The following CSNK2B variants were observed in gnomAD, a reference collection of about 807,000 sequenced individuals.
CSNK2B encodes casein kinase 2 beta.
CSNK2B carries 2 observed loss-of-function variants against 28.8 expected under a neutral mutation model. The observed-to-expected ratio is 0.07, with a 90% CI of 0.03 to 0.22. The LOEUF (loss-of-function observed/expected upper bound fraction) is 0.22. CSNK2B is among the 10% of genes least tolerant of loss of function. CSNK2B has a pLI of 1.00. For missense variants in CSNK2B, 107 were observed against 277.9 expected (o/e 0.39, Z 4.37); for synonymous variants, 89 against 96.1 (o/e 0.93, Z 0.43).
rs889024432 is a variant in CSNK2B, at chr6:31,666,139, A to G, written c.-81A>G. On this transcript the variant is annotated 5_prime_UTR_variant, in exon 1 of 7. Transcript: ENST00000375882. ...CGGTCGGGTCCGCGGCCTGCGCTGT[A>G]GCGGTCGCCGCCGTTCCCTGGAAGT... 9.1e-6 allele frequency: 9 copies of G among 992,528 alleles called. No individual in the cohort carries two copies. Among genetic ancestry groups the G allele is most frequent in the Non-Finnish European group, 1.1e-5 (9 of 833,494 alleles). 61.5% of individuals were successfully genotyped at this position (992,528 alleles called of 1,614,324 possible).
At position 31,667,914 on chromosome 6, in the gene CSNK2B, A is replaced by G. The variant is rs1307471660; in HGVS notation, c.119A>G (p.Asn40Ser). ...GACAAATTTAATCTTACTGGACTCAATGAGCAGGTCCCTCACTATCGACAA... is the reference window on the plus strand; with the variant it reads ...GACAAATTTAATCTTACTGGACTCAGTGAGCAGGTCCCTCACTATCGACAA... ...IQDKFNLTGLNEQVPHYRQAL... is the reference protein window; with the variant it reads ...IQDKFNLTGLSEQVPHYRQAL... The change falls in exon 3 of 7, where the codon AAT becomes AGT. Residue 40 changes from asparagine (N) to serine (S), a missense_variant. By Grantham distance (46) the Asn-to-Ser change is conservative. Coordinates refer to ENST00000375882, the MANE Select transcript of CSNK2B (RefSeq NM_001320.7). 12 of 1,554,742 alleles carry G rather than the reference A, an allele frequency of 7.7e-6. No individual in the cohort carries two copies. The highest frequency in any genetic ancestry group is 1.2e-5 in the South Asian group (1 of 81,506).
Position 31,669,596 on chromosome 6 carries a change from G to A in CSNK2B, c.557+88G>A. The A allele has an allele frequency of 2.8e-6, 4 of 1,424,604 alleles. No individual in the cohort carries two copies. The highest frequency in any genetic ancestry group is 3.8e-6 in the Non-Finnish European group (4 of 1,052,128). 88.2% of individuals were successfully genotyped at this position (1,424,604 alleles called of 1,614,324 possible). A position where few individuals can be genotyped will look rare whatever the true frequency, so the allele number is the denominator to read the frequency against. ...GGACAGGGCATGGCCCTTTCTTGAG[G>A]TCTGCTTCTCCCAGAATCAGGGCAT... is the stretch of plus-strand genomic sequence containing the variant. On this transcript the variant is annotated intron_variant, in intron 6 of 6. Coordinates refer to ENST00000375882, the MANE Select transcript of CSNK2B (RefSeq NM_001320.7). This position sits in a 1 kb window ranked among gnomAD's most constrained non-coding sequence, Gnocchi z 4.8.
chr6:31,668,521 G>A lies in CSNK2B; in HGVS notation c.176-18G>A, dbSNP rs759577067. 2 of 1,608,488 alleles carry A rather than the reference G, an allele frequency of 1.2e-6. No individual in the cohort carries two copies. Among genetic ancestry groups the A allele is most frequent in the Non-Finnish European group, 8.5e-7 (1 of 1,175,874 alleles). On this transcript the variant is annotated intron_variant, in intron 3 of 6. Coordinates refer to ENST00000375882, the MANE Select transcript of CSNK2B (RefSeq NM_001320.7). ...AGCTGAAAAACAAGTAGTTGCATTT[G>A]GCCGGGCTGTGTTTCAGATGAAGAA... is the stretch of plus-strand genomic sequence containing the variant.
chr6:31,669,375 G>C lies in CSNK2B; in HGVS notation c.424G>C (p.Asp142His), dbSNP rs1229112234. 2 of 1,614,060 alleles carry C rather than the reference G, an allele frequency of 1.2e-6. No homozygotes were observed. The highest frequency in any genetic ancestry group is 1.1e-5 in the South Asian group (1 of 91,086). ...GAAGCTCTACTGCCCCAAGTGCATG[G>C]ATGTGTACACACCCAAGTCATCAAG... Reference protein sequence around the residue: ...MVKLYCPKCMDVYTPKSSRHH... With the variant: ...MVKLYCPKCMHVYTPKSSRHH... Residue 142 changes from aspartate (D) to histidine (H), a missense_variant, in exon 6 of 7, where the codon GAT becomes CAT. Coordinates refer to ENST00000375882, the MANE Select transcript of CSNK2B (RefSeq NM_001320.7). The surrounding 1 kb of genome is among the most constrained non-coding windows in gnomAD (Gnocchi z 4.8).
intron 2 of CSNK2B, 22 bp from the exon 3 acceptor site, chr6:31,667,846 C>T (rs202112972): frequency 1.4e-6 from 2 of 1,421,862 alleles, no homozygotes; most frequent in African/African-American, 1.5e-5. Flanking sequence ...TGGGTTCCCT[C>T]TTGGCTTCCA....
In CSNK2B at chr6:31,669,138, T is replaced by G; in HGVS notation, c.333T>G (p.Arg111=). 1 of 1,613,562 alleles carries G rather than the reference T, an allele frequency of 6.2e-7. No homozygotes were observed. The highest frequency in any genetic ancestry group is 8.5e-7 in the Non-Finnish European group (1 of 1,179,984). The stretch of plus-strand genomic sequence containing the variant: ...AAGGAGACTTTGGTTACTGTCCTCG[T>G]GTGTACTGTGAGAACCAGCCAATGC... ...YQQGDFGYCP[R]VYCENQPMLP... Residue 111 remains arginine (R), a synonymous_variant, in exon 5 of 7, where the codon CGT becomes CGG. Coordinates refer to ENST00000375882, the MANE Select transcript of CSNK2B (RefSeq NM_001320.7). The surrounding 1 kb of genome is among the most constrained non-coding windows in gnomAD (Gnocchi z 4.8).
At position 31,668,588 on chromosome 6, in the gene CSNK2B, A is replaced by G; in HGVS notation, c.225A>G (p.Ala75=). 1 of 1,613,100 alleles carries G rather than the reference A, an allele frequency of 6.2e-7. No homozygotes were observed. The highest frequency in any genetic ancestry group is 8.5e-7 in the Non-Finnish European group (1 of 1,180,040). The change falls in exon 4 of 7, where the codon GCA becomes GCG. Residue 75 remains alanine, a synonymous_variant. Transcript: ENST00000375882. ...NPNQSDLIEQ[A]AEMLYGLIHA... is the part of the protein sequence containing the mutation. The stretch of plus-strand genomic sequence containing the variant: ...ACCAGAGTGACCTGATTGAGCAGGC[A>G]GCCGAGATGCTTTATGGATTGATCC...
chr6:31,669,207 T>C lies in CSNK2B; in HGVS notation c.367+35T>C. The C allele has an allele frequency of 6.2e-7, 1 of 1,608,568 alleles. No homozygotes were observed. Among genetic ancestry groups the C allele is most frequent in the African/African-American group, 1.3e-5 (1 of 74,932 alleles). ...GAAGAAGGGAAAGGAAAGCACCGTG[T>C]GGCAGTCTTATGGGAAGGAGTTGGG... On this transcript the variant is annotated intron_variant, in intron 5 of 6. Coordinates refer to ENST00000375882, the MANE Select transcript of CSNK2B (RefSeq NM_001320.7). The surrounding 1 kb of genome is among the most constrained non-coding windows in gnomAD (Gnocchi z 4.8).
chr6:31,666,454 G>A (rs1048058804), intron 1 of CSNK2B: 2 of 253,606 alleles, frequency 7.9e-6, no homozygotes, highest in Admixed American at 9.9e-5. Flanking sequence ...AAACCCTTGG[G>A]AAAGGCGTGG....
rs2151190266 is a variant in CSNK2B, at chr6:31,670,009, T to G, written c.*83T>G. ...TCAGGAACCCTGTATGGTTTTTAGTTTAAATTAAAGGAGTCGTTATCGTGG... is the reference window on the plus strand; with the variant it reads ...TCAGGAACCCTGTATGGTTTTTAGTGTAAATTAAAGGAGTCGTTATCGTGG... On this transcript the variant is annotated 3_prime_UTR_variant, in exon 7 of 7. Coordinates refer to ENST00000375882, the MANE Select transcript of CSNK2B (RefSeq NM_001320.7). 1 of 1,176,388 alleles carries G rather than the reference T, an allele frequency of 8.5e-7. No homozygotes were observed. 72.9% of individuals were successfully genotyped at this position (1,176,388 alleles called of 1,614,324 possible). A position where few individuals can be genotyped will look rare whatever the true frequency, so the allele number is the denominator to read the frequency against.
Position 31,667,885 on chromosome 6 carries a change from C to G in CSNK2B, c.90C>G (p.Ile30Met). Residue 30 changes from isoleucine (I) to methionine (M), a missense_variant, in exon 3 of 7, where the codon ATC (isoleucine) becomes ATG (methionine). By Grantham distance (10) the Ile-to-Met change is conservative. Coordinates refer to ENST00000375882, the MANE Select transcript of CSNK2B (RefSeq NM_001320.7). ...EFFCEVDEDY[I>M]QDKFNLTGLN... Reference sequence around the variant, plus strand: ...CCTGACAGGTGGATGAAGACTACATCCAGGACAAATTTAATCTTACTGGAC... The same window carrying G: ...CCTGACAGGTGGATGAAGACTACATGCAGGACAAATTTAATCTTACTGGAC... 1 of 1,516,064 alleles carries G rather than the reference C, an allele frequency of 6.6e-7. No individual in the cohort carries two copies. Among genetic ancestry groups the G allele is most frequent in the Non-Finnish European group, 8.8e-7 (1 of 1,136,136 alleles). The allele number at this position is 1,516,064 out of a possible 1,614,324, so 93.9% of individuals were successfully genotyped here.
intron 2 of CSNK2B, 47 bp downstream of exon 2, chr6:31,666,950 C>T (rs1453654919): frequency 7.0e-7 from 1 of 1,427,754 alleles, no homozygotes. Flanking sequence ...CATATCTTCC[C>T]ACCAGACGTT....
intron 2 of CSNK2B, 24 bp downstream of exon 2, chr6:31,666,927 C>T (rs765333777): frequency 6.3e-7 from 1 of 1,577,180 alleles, no homozygotes; most frequent in Non-Finnish European, 8.7e-7. Flanking sequence ...AACCTCCCTA[C>T]TTGCCAGCTT....
chr6:31,668,001 G>C (rs1450981390), intron 3 of CSNK2B, 31 bp downstream of exon 3: 1 of 1,383,416 alleles, frequency 7.2e-7, no homozygotes, highest in Non-Finnish European at 1.0e-6. Flanking sequence ...TTTTGTGTGT[G>C]TGCGTGCACT....
At position 31,669,204 on chromosome 6, in the gene CSNK2B, G is replaced by C; in HGVS notation, c.367+32G>C. ...GTTGAAGAAGGGAAAGGAAAGCACC[G>C]TGTGGCAGTCTTATGGGAAGGAGTT... On this transcript the variant is annotated intron_variant, in intron 5 of 6. Transcript: ENST00000375882. The surrounding 1 kb of genome is among the most constrained non-coding windows in gnomAD (Gnocchi z 4.8). The C allele has an allele frequency of 6.2e-7, 1 of 1,608,326 alleles. No individual in the cohort carries two copies. Among genetic ancestry groups the C allele is most frequent in the Non-Finnish European group, 8.5e-7 (1 of 1,174,866 alleles).
At chr6:31,666,555 G>A in intron 1 of CSNK2B, 1 of 531,262 alleles carries the variant, frequency 1.9e-6, no homozygotes, top group Non-Finnish European at 3.3e-6. Context: ...GCCTTCGGGA[G>A]CTCCAGGGAT....
chr6:31,667,776 T>G (rs1337589752), intron 2 of CSNK2B, 92 bp from the exon 3 acceptor site: 1 of 617,242 alleles, frequency 1.6e-6, no homozygotes, highest in Non-Finnish European at 2.8e-6. Context: ...GATGCAGTTG[T>G]GTTGATGATA....
chr6:31,667,707 T>A (rs905827941), intron 2 of CSNK2B, among the ~76,000 whole-genome samples, 161 bp from the exon 3 acceptor site: 1 of 152,094 alleles, frequency 6.6e-6, no homozygotes, highest in African/African-American at 2.4e-5. Context: ...AGAGTGTAGG[T>A]GAACTAGGGA....
At position 31,669,329 on chromosome 6, in the gene CSNK2B, C is replaced by T; in HGVS notation, c.378C>T (p.Asp126=). ...NQPMLPIGLS[D]IPGEAMVKLY... ...CTGGCTGTCTCCCAGGCCTTTCAGA[C>T]ATCCCAGGTGAAGCCATGGTGAAGC... is the stretch of plus-strand genomic sequence containing the variant. Residue 126 remains aspartate, a synonymous_variant, in exon 6 of 7, where the codon GAC becomes GAT. Coordinates refer to ENST00000375882, the MANE Select transcript of CSNK2B (RefSeq NM_001320.7). This position sits in a 1 kb window ranked among gnomAD's most constrained non-coding sequence, Gnocchi z 4.8. The T allele has an allele frequency of 1.2e-6, 2 of 1,611,780 alleles. No individual in the cohort carries two copies. The highest frequency in any genetic ancestry group is 8.5e-7 in the Non-Finnish European group (1 of 1,178,222).
Sources: allele counts gnomAD v4.1 joint callset (sites outside exome capture counted in the v4.1 genomes callset), GRCh38; gene constraint gnomAD v4.1.1; non-coding constraint Gnocchi (gnomAD v3.1); transcripts MANE v1.5; gene names NCBI Gene and HGNC (gene_info 2026-07-23, HGNC 2026-07-21).